EPHB1: variants seen among roughly 807,000 people sequenced by gnomAD.
EPHB1 encodes EPH receptor B1.
EPHB1 carries 30 observed loss-of-function variants against 94.4 expected under a neutral mutation model. The ratio of observed to expected loss-of-function variants is 0.32; its 90% CI spans 0.24 to 0.43. EPHB1 has a LOEUF of 0.43. Among genes scored for constraint, EPHB1 ranks in the 20% least tolerant of loss-of-function variants. The pLI is 1.00. For synonymous variants in EPHB1, 522 were observed against 489.1 expected (o/e 1.07, Z -0.89); for missense variants, 1,055 against 1,308.3 (o/e 0.81, Z 2.99).
At position 134,804,625 on chromosome 3, in the gene EPHB1, G is replaced by A. The variant is rs538598026; in HGVS notation, c.58+8936G>A. On this transcript the variant is annotated intron_variant, in intron 1 of 15. Coordinates refer to ENST00000398015, the MANE Select transcript of EPHB1 (RefSeq NM_004441.5). ...CCCTTCATAGGCTCACCTTCCAGAG[G>A]AAGGGCCAGCTGCTGCTTTTTGTCT... 5.3e-5 allele frequency among the ~76,000 whole-genome samples: 8 copies of A among 152,306 alleles called. No individual in the cohort carries two copies. The South Asian group carries it at 1.5e-3, about 28-fold the overall frequency.
intron 1 of EPHB1, among the ~76,000 whole-genome samples, chr3:134,903,196 G>A (rs868099597): frequency 5.9e-5 from 9 of 152,220 alleles, no homozygotes; most frequent in Admixed American, 1.3e-4. Flanking sequence ...GGAGCTCTGG[G>A]TGGCTCCGTG....
intron 3 of EPHB1, among the ~76,000 whole-genome samples, chr3:135,068,294 A>G (rs1253066202): frequency 6.6e-6 from 1 of 152,206 alleles, no homozygotes; most frequent in Non-Finnish European, 1.5e-5. Flanking sequence ...CATTCCAGCA[A>G]TGTATGAAGA....
Position 135,124,767 on chromosome 3 carries a change from G to T in EPHB1, c.962-7947G>T, listed in dbSNP as rs539247688. 2.7e-4 allele frequency among the ~76,000 whole-genome samples: 41 copies of T among 151,742 alleles called. 1 individual carries two copies. The highest frequency in any genetic ancestry group is 6.2e-4 in the South Asian group (3 of 4,824). The stretch of plus-strand genomic sequence containing the variant: ...GTATAAAATTTTCTCTGATAAGGTT[G>T]TGCTCACATGGCTGTTAGAAAAAGT... On this transcript the variant is annotated intron_variant, in intron 4 of 15. Coordinates refer to ENST00000398015, the MANE Select transcript of EPHB1 (RefSeq NM_004441.5).
At chr3:135,133,454 T>C (rs1011933193) in intron 5 of EPHB1, among the ~76,000 whole-genome samples, 2 of 152,074 alleles carry the variant, frequency 1.3e-5, no homozygotes, top group African/African-American at 4.8e-5. Flanking sequence ...GGTGGACAGA[T>C]GGATGGACAG....
At position 135,085,288 on chromosome 3, in the gene EPHB1, G is replaced by T. The variant is rs138119388; in HGVS notation, c.806-21160G>T. Among the ~76,000 whole-genome samples, 289 of 152,312 alleles carry T rather than the reference G, an allele frequency of 1.9e-3. 4 individuals are homozygous for T. The highest frequency in any genetic ancestry group is 6.7e-3 in the African/African-American group (280 of 41,568). On this transcript the variant is annotated intron_variant, in intron 3 of 15. Transcript: ENST00000398015. Reference sequence around the variant, plus strand: ...GGAAGCTAAGCGTGTCTTCCCAAGTGTATTACCTGGTCTCAGAAGTTTATA... The same window carrying T: ...GGAAGCTAAGCGTGTCTTCCCAAGTTTATTACCTGGTCTCAGAAGTTTATA...
intron 1 of EPHB1, among the ~76,000 whole-genome samples, chr3:134,890,540 C>A (rs2037958895): frequency 6.6e-6 from 1 of 152,174 alleles, no homozygotes; most frequent in Non-Finnish European, 1.5e-5. Flanking sequence ...GGGCATATTG[C>A]TGGGAATGGA....
At chr3:134,956,584 A>G (rs563445242) in intron 3 of EPHB1, among the ~76,000 whole-genome samples, 2 of 152,188 alleles carry the variant, frequency 1.3e-5, no homozygotes, top group East Asian at 3.9e-4. Flanking sequence ...GGAAGGGGGT[A>G]TGCTTGGGTG....
intron 11 of EPHB1, among the ~76,000 whole-genome samples, chr3:135,199,957 A>G (rs1276006195): frequency 2.0e-5 from 3 of 152,200 alleles, no homozygotes; most frequent in African/African-American, 2.4e-5. Context: ...CTCATTGTCT[A>G]TGCTTTCTGC....
At chr3:134,943,280 C>T (rs1181307920) in intron 2 of EPHB1, among the ~76,000 whole-genome samples, 1 of 152,218 alleles carries the variant, frequency 6.6e-6, no homozygotes, top group East Asian at 1.9e-4. Flanking sequence ...TCAGTCAGAA[C>T]ATCAGCAACA....
chr3:134,971,275 G>A (rs1166115543), intron 3 of EPHB1, among the ~76,000 whole-genome samples: 1 of 152,200 alleles, frequency 6.6e-6, no homozygotes, highest in Non-Finnish European at 1.5e-5. Context: ...GTGGATTCTT[G>A]TTCTCTGCAA....
At chr3:134,811,951 G>T (rs1003187766) in intron 1 of EPHB1, among the ~76,000 whole-genome samples, 1 of 152,212 alleles carries the variant, frequency 6.6e-6, no homozygotes, top group Non-Finnish European at 1.5e-5. Flanking sequence ...ATAAGGACGA[G>T]AGCACAGGAG....
chr3:134,857,595 G>A (rs1397473906), intron 1 of EPHB1, among the ~76,000 whole-genome samples: 1 of 151,426 alleles, frequency 6.6e-6, no homozygotes, highest in Non-Finnish European at 1.5e-5. Context: ...GTGGTTGATT[G>A]GGGGTGAAGG....
chr3:134,885,358 A>G (rs1385928902), intron 1 of EPHB1, among the ~76,000 whole-genome samples: 2 of 152,252 alleles, frequency 1.3e-5, no homozygotes, highest in African/African-American at 4.8e-5. Context: ...TAATGTTAGG[A>G]AACGCAAAAC....
In EPHB1 at chr3:135,132,366, C is replaced by A. The variant is rs183856068; in HGVS notation, c.962-348C>A. Among the ~76,000 whole-genome samples, 775 of 152,234 alleles carry A rather than the reference C, an allele frequency of 5.1e-3. 11 individuals are homozygous for A. The highest frequency in any genetic ancestry group is 0.017 in the African/African-American group (722 of 41,536). ...TTAGACAAAGAATCCAGTAAATGTT[C>A]AATATATATACATTTTATTAACCCT... On this transcript the variant is annotated intron_variant, in intron 4 of 15. Transcript: ENST00000398015.
chr3:134,923,170 T>C (rs768575401), intron 1 of EPHB1, among the ~76,000 whole-genome samples: 3 of 152,226 alleles, frequency 2.0e-5, no homozygotes, highest in Non-Finnish European at 4.4e-5. Context: ...CTTATGTTCC[T>C]TCAAATATGC....
chr3:135,052,636 C>T (rs980895091), intron 3 of EPHB1, among the ~76,000 whole-genome samples: 2 of 150,810 alleles, frequency 1.3e-5, no homozygotes, highest in Non-Finnish European at 3.0e-5. Context: ...CCGAGGCGGG[C>T]GGATCACGAG....
At chr3:135,167,047 C>A (rs753224070) in intron 9 of EPHB1, 41 bp downstream of exon 9, 4 of 1,605,004 alleles carry the variant, frequency 2.5e-6, no homozygotes, top group Non-Finnish European at 3.4e-6. Flanking sequence ...CCCCCACAGG[C>A]CACTGAGTCA....
intron 3 of EPHB1, among the ~76,000 whole-genome samples, chr3:135,039,615 G>T (rs550938494): frequency 1.3e-5 from 2 of 152,226 alleles, no homozygotes; most frequent in East Asian, 3.9e-4. Flanking sequence ...CGAGCACAGC[G>T]CCAGTGGGCC....
chr3:135,104,000 C>T (rs942170150), intron 3 of EPHB1, among the ~76,000 whole-genome samples: 5 of 152,222 alleles, frequency 3.3e-5, no homozygotes, highest in South Asian at 4.1e-4. Context: ...GAGGCTTTTA[C>T]GTGCTGGAAA....
Sources: gnomAD v4.1 joint callset for allele counts (sites outside exome capture counted in the v4.1 genomes callset) on GRCh38, gnomAD v4.1.1 for gene constraint, MANE v1.5 for transcripts, NCBI Gene and HGNC (gene_info 2026-07-23, HGNC 2026-07-21) for gene names.